The following GET1 variants were observed in gnomAD, a reference collection of about 807,000 sequenced individuals.
GET1 encodes the protein congenital heart disease 5 protein.
GET1 carries 20 observed loss-of-function variants against 22.6 expected under a neutral mutation model. That is an observed-to-expected ratio of 0.89 (90% CI 0.62 to 1.29). The LOEUF is 1.29. Among genes scored for constraint, GET1 ranks in the 50% most tolerant of loss-of-function variants. GET1 has a pLI of 0.00. For synonymous variants in GET1, 92 were observed against 83.8 expected (o/e 1.10, Z -0.53); for missense variants, 209 against 219.9 (o/e 0.95, Z 0.31).
downstream of GET1, chr21:39,409,909 T>C: frequency 1.1e-6 from 1 of 891,676 alleles, no homozygotes; most frequent in Admixed American, 2.5e-5. This position sits in a 1 kb window ranked among gnomAD's most constrained non-coding sequence, Gnocchi z 4.2. Flanking sequence ...ATGTGTGCTT[T>C]ATATACACAT....
At chr21:39,391,551 T>A in intron 2 of GET1, 1 of 497,368 alleles carries the variant, frequency 2.0e-6, no homozygotes, top group Non-Finnish European at 3.5e-6. Context: ...ATTAAAGCTA[T>A]TCAAATCTCA....
exon 5 of GET1, chr21:39,405,951 A>G: frequency 1.2e-6 from 2 of 1,613,626 alleles, no homozygotes; most frequent in Non-Finnish European, 1.7e-6. Flanking sequence ...CAGTTACTTT[A>G]GAGTCTCCGA....
intron 1 of GET1, among the ~76,000 whole-genome samples, chr21:39,427,428 C>T (rs1032379445): frequency 2.6e-5 from 4 of 151,824 alleles, no homozygotes; most frequent in East Asian, 1.9e-4. Flanking sequence ...TTTGGGAGGC[C>T]GAGGCAGGCG....
downstream of GET1, chr21:39,408,714 C>G (rs73365935): frequency 6.6e-6 from 1 of 152,242 alleles, no homozygotes; most frequent in Admixed American, 6.5e-5. Flanking sequence ...AAAATCTGGG[C>G]AGCCCGTTCT....
intron 1 of GET1, among the ~76,000 whole-genome samples, chr21:39,417,205 T>G (rs7277963): frequency 1.7e-3 from 258 of 152,052 alleles, no homozygotes; most frequent in African/African-American, 6.1e-3. Flanking sequence ...GCTAATTTTT[T>G]TATTTTTGTA....
chr21:39,380,553 G>T lies in GET1; in HGVS notation c.102+67G>T, dbSNP rs577613912. 3.8e-6 allele frequency: 6 copies of T among 1,560,702 alleles called. No individual in the cohort carries two copies. The Admixed American group carries it at 9.5e-5, about 25-fold the overall frequency. On this transcript the variant is annotated intron_variant, in intron 1 of 4. Transcript: ENST00000649170. ...GCCCCAGTCCCCCGGCGGGTCTGGCGTAGGTACAGGGGTCTCAACTGGGCG... is the reference window on the plus strand; with the variant it reads ...GCCCCAGTCCCCCGGCGGGTCTGGCTTAGGTACAGGGGTCTCAACTGGGCG...
intron 1 of GET1, chr21:39,422,960 C>T (rs1171962311): frequency 1.2e-6 from 2 of 1,609,448 alleles, no homozygotes; most frequent in African/African-American, 1.3e-5. Flanking sequence ...ACTGTCTGGG[C>T]CCCTGAAATA....
chr21:39,387,871 G>A (rs1224567880), intron 1 of GET1: 8 of 976,214 alleles, frequency 8.2e-6, no homozygotes, highest in African/African-American at 1.9e-5. Context: ...CTGGAAGGGG[G>A]AGGGGGGGGG....
At chr21:39,380,522 G>C in intron 1 of GET1, 36 bp downstream of exon 1, 1 of 1,588,800 alleles carries the variant, frequency 6.3e-7, no homozygotes, top group Non-Finnish European at 8.6e-7. Context: ...GGCCGGTGGG[G>C]ATGCCGCCCC....
chr21:39,387,675 C>A (rs1028973173), intron 1 of GET1: 3 of 299,528 alleles, frequency 1.0e-5, no homozygotes, highest in South Asian at 2.5e-4. Context: ...CCCTCCACCC[C>A]CCCTACTCCC....
At chr21:39,386,728 T>C (rs904098813) in intron 1 of GET1, among the ~76,000 whole-genome samples, 3 of 152,246 alleles carry the variant, frequency 2.0e-5, no homozygotes, top group African/African-American at 7.2e-5. Context: ...AAAATTAATA[T>C]TTGCATTATT....
intron 4 of GET1, among the ~76,000 whole-genome samples, chr21:39,395,526 A>T (rs972870887): frequency 6.6e-6 from 1 of 151,710 alleles, no homozygotes; most frequent in African/African-American, 2.4e-5. Flanking sequence ...CACACGCCCG[A>T]CTAGTTTTTG....
chr21:39,420,786 C>T (rs758983586), intron 1 of GET1: 1 of 1,613,448 alleles, frequency 6.2e-7, no homozygotes, highest in Admixed American at 1.7e-5. Flanking sequence ...TTCCGAGTCT[C>T]AATAGCCAGC....
At chr21:39,427,933 G>A (rs543864278) in intron 1 of GET1, 1 of 306,634 alleles carries the variant, frequency 3.3e-6, no homozygotes, top group South Asian at 6.2e-5. Context: ...CTCACTAGTA[G>A]GCTCCAGTAG....
At chr21:39,385,412 G>A (rs2037821366) in intron 1 of GET1, among the ~76,000 whole-genome samples, 1 of 152,220 alleles carries the variant, frequency 6.6e-6, no homozygotes, top group South Asian at 2.1e-4. Context: ...GTCCGCTGCG[G>A]TGGGGGTGGG....
At chr21:39,415,758 TC>T (rs2041026864) in intron 1 of GET1, among the ~76,000 whole-genome samples, 2 of 152,338 alleles carry the variant, frequency 1.3e-5, no homozygotes, top group South Asian at 4.1e-4. Flanking sequence ...AGATTCTCAC[TC>T]TCACCTCTTA....
chr21:39,414,034 A>C (rs2040582277), intron 1 of GET1: 1 of 152,264 alleles, frequency 6.6e-6, no homozygotes, highest in Non-Finnish European at 1.5e-5. Context: ...CTGGGCCAGA[A>C]GTCTAACACA....
At chr21:39,414,291 G>C (rs2040638036) in intron 1 of GET1, 1 of 152,220 alleles carries the variant, frequency 6.6e-6, no homozygotes, top group Admixed American at 6.5e-5. Flanking sequence ...CTTAATGCAG[G>C]AGTGTGACCG....
At chr21:39,402,096 T>A (rs2038854541), downstream of GET1, among the ~76,000 whole-genome samples, 1 of 152,140 alleles carries the variant, frequency 6.6e-6, no homozygotes, top group African/African-American at 2.4e-5. Flanking sequence ...GCTTTTATTT[T>A]ATTTAATTAA....
Sources: allele counts gnomAD v4.1 joint callset (sites outside exome capture counted in the v4.1 genomes callset), GRCh38; gene constraint gnomAD v4.1.1; non-coding constraint Gnocchi (gnomAD v3.1); transcripts MANE v1.5; gene names NCBI Gene and HGNC (gene_info 2026-07-23, HGNC 2026-07-21).